The following TNIP3 variants were observed in gnomAD, a reference collection of about 807,000 sequenced individuals.
TNIP3 encodes the protein TNFAIP3-interacting protein 3.
TNIP3 carries 34 observed loss-of-function variants against 54.1 expected under a neutral mutation model. The observed-to-expected ratio is 0.63, with a 90% confidence interval of 0.48 to 0.84. The LOEUF (loss-of-function observed/expected upper bound fraction) is 0.84. TNIP3 is among the 40% of genes least tolerant of loss of function. The pLI, the probability that TNIP3 is intolerant of heterozygous loss-of-function variation, is 0.00. For synonymous variants in TNIP3, 134 were observed against 136.8 expected (o/e 0.98, Z 0.14); for missense variants, 366 against 387.6 (o/e 0.94, Z 0.47).
At chr4:121,222,925 C>A (rs1000473075) in intron 1 of TNIP3, among the ~76,000 whole-genome samples, 2 of 151,180 alleles carry the variant, frequency 1.3e-5, no homozygotes, top group Non-Finnish European at 2.9e-5. Flanking sequence ...CCTGCCTCAG[C>A]CTCCCGAGTA....
intron 2 of TNIP3, among the ~76,000 whole-genome samples, chr4:121,201,555 G>C (rs1336947511): frequency 6.6e-6 from 1 of 152,150 alleles, no homozygotes; most frequent in Non-Finnish European, 1.5e-5. Flanking sequence ...GTTTGTAAGA[G>C]TTTTCTAGCT....
rs186450478 is a variant in TNIP3, at chr4:121,138,866, C to A, written c.886-182G>T. Among the ~76,000 whole-genome samples the A allele has an allele frequency of 6.4e-3, 968 of 152,256 alleles. 10 individuals carry two copies. The highest frequency in any genetic ancestry group is 0.022 in the African/African-American group (903 of 41,546). On this transcript the variant is annotated intron_variant, in intron 9 of 10. Coordinates refer to ENST00000057513, the MANE Select transcript of TNIP3 (RefSeq NM_024873.6). ...CCATCACTGCCATCATCTCTCCCTA[C>A]CCCCTCTTAAATCCACTCTGTGTTT...
At chr4:121,222,910 A>G (rs1309134031) in intron 1 of TNIP3, among the ~76,000 whole-genome samples, 2 of 145,762 alleles carry the variant, frequency 1.4e-5, no homozygotes, top group Non-Finnish European at 3.0e-5. Context: ...GGTTCACGCT[A>G]TTCTCCTGCC....
chr4:121,218,590 C>T (rs1332966978), upstream of TNIP3, among the ~76,000 whole-genome samples: 1 of 151,294 alleles, frequency 6.6e-6, no homozygotes, highest in Admixed American at 6.6e-5. Flanking sequence ...GCCTCCCTCC[C>T]TTCCTTCCTC....
chr4:121,183,156 G>T (rs1478509520), intron 2 of TNIP3, among the ~76,000 whole-genome samples: 3 of 152,174 alleles, frequency 2.0e-5, no homozygotes, highest in African/African-American at 2.4e-5. Context: ...CATTAGACAG[G>T]TAAGTAAACT....
intron 3 of TNIP3, among the ~76,000 whole-genome samples, chr4:121,173,148 G>A (rs1462016492): frequency 3.9e-5 from 6 of 152,100 alleles, no homozygotes; most frequent in East Asian, 1.9e-4. Context: ...GTGGGTAGAC[G>A]TAAATAACAC....
chr4:121,193,874 T>G (rs570072479), intron 2 of TNIP3, among the ~76,000 whole-genome samples: 2 of 152,212 alleles, frequency 1.3e-5, no homozygotes, highest in East Asian at 1.9e-4. Flanking sequence ...CAAGGAAACA[T>G]TAGCCAAAAG....
At chr4:121,205,366 G>A (rs1726123406) in intron 2 of TNIP3, among the ~76,000 whole-genome samples, 1 of 152,156 alleles carries the variant, frequency 6.6e-6, no homozygotes, top group Admixed American at 6.6e-5. Context: ...GGAGTTGGGG[G>A]AGTAAGAAGG....
chr4:121,186,015 G>A (rs1012397847), intron 2 of TNIP3, among the ~76,000 whole-genome samples: 2 of 152,262 alleles, frequency 1.3e-5, no homozygotes, highest in Admixed American at 1.3e-4. Flanking sequence ...CTCAGAGCTG[G>A]GGCCCTGCGT....
rs145201564 is a variant in TNIP3, at chr4:121,145,109, A to T, written c.735+1940T>A. Among the ~76,000 whole-genome samples the T allele has an allele frequency of 4.0e-3, 614 of 152,328 alleles. 5 individuals carry two copies. The highest frequency in any genetic ancestry group is 0.014 in the African/African-American group (590 of 41,584). On this transcript the variant is annotated intron_variant, in intron 7 of 10. Coordinates refer to ENST00000057513, the MANE Select transcript of TNIP3 (RefSeq NM_024873.6). ...GAAAGCAACTCAGAATGCCAGAATG[A>T]TTTGACCTAAATATTCCTCTAAAAG...
intron 3 of TNIP3, among the ~76,000 whole-genome samples, chr4:121,175,643 T>C (rs1239827564): frequency 6.6e-6 from 1 of 152,246 alleles, no homozygotes; most frequent in Non-Finnish European, 1.5e-5. Context: ...ATTCTCCCAG[T>C]GATAGAACAG....
chr4:121,215,836 T>C (rs945894996), intron 2 of TNIP3, among the ~76,000 whole-genome samples: 1 of 150,280 alleles, frequency 6.7e-6, no homozygotes, highest in African/African-American at 2.5e-5. Context: ...ATTCCTCTTC[T>C]GCAAGTAACA....
At chr4:121,159,061 G>A (rs1484732750) in intron 2 of TNIP3, among the ~76,000 whole-genome samples, 1 of 152,150 alleles carries the variant, frequency 6.6e-6, no homozygotes, top group African/African-American at 2.4e-5. Flanking sequence ...TGCCCAACAT[G>A]GTGACATCCC....
intron 4 of TNIP3, 113 bp downstream of exon 4, chr4:121,156,981 G>A (rs1730137811): frequency 6.4e-6 from 9 of 1,399,010 alleles, no homozygotes; most frequent in African/African-American, 1.4e-5. Context: ...CACATCGGTC[G>A]TTGCTCAGTA....
intron 1 of TNIP3, among the ~76,000 whole-genome samples, chr4:121,225,500 C>T (rs111667544): frequency 0.013 from 2,037 of 152,090 alleles, 48 homozygotes; most frequent in African/African-American, 0.046. Context: ...GGTCTTTATC[C>T]TTCATGAAAT....
chr4:121,208,971 C>A (rs1204605708), intron 2 of TNIP3, among the ~76,000 whole-genome samples: 3 of 152,054 alleles, frequency 2.0e-5, no homozygotes, highest in Admixed American at 2.0e-4. Context: ...GGGGAGGGAG[C>A]TCCCCAATCT....
At chr4:121,185,203 C>T (rs1724946545) in intron 2 of TNIP3, among the ~76,000 whole-genome samples, 1 of 152,180 alleles carries the variant, frequency 6.6e-6, no homozygotes, top group Non-Finnish European at 1.5e-5. Flanking sequence ...CTACTCTCTT[C>T]CTTCATGCTC....
At chr4:121,201,993 C>A (rs1348842018) in intron 2 of TNIP3, among the ~76,000 whole-genome samples, 1 of 152,134 alleles carries the variant, frequency 6.6e-6, no homozygotes, top group Non-Finnish European at 1.5e-5. Context: ...CAAAAGCAAT[C>A]TACAAATTCA....
chr4:121,208,415 C>T (rs1250901601), intron 2 of TNIP3, among the ~76,000 whole-genome samples: 5 of 152,060 alleles, frequency 3.3e-5, no homozygotes, highest in African/African-American at 1.2e-4. Flanking sequence ...TCTTGTGGCC[C>T]CCACCCAGGA....
Sources: allele counts gnomAD v4.1 joint callset (sites outside exome capture counted in the v4.1 genomes callset), GRCh38; gene constraint gnomAD v4.1.1; transcripts MANE v1.5; gene names NCBI Gene and HGNC (gene_info 2026-07-23, HGNC 2026-07-21).